IQCH: variants seen among roughly 807,000 people sequenced by gnomAD.
IQCH encodes the protein IQ domain-containing protein H.
A neutral mutation model predicts 117.0 loss-of-function variants in IQCH; 98 were observed. That is an observed-to-expected ratio of 0.84 (90% CI 0.71 to 0.99). The LOEUF (loss-of-function observed/expected upper bound fraction) is 0.99, where lower values mean the gene tolerates loss of function less well. IQCH is among the 50% of genes least tolerant of loss of function. IQCH has a pLI of 0.00. For missense variants in IQCH, 1,102 were observed against 1,243.8 expected, an observed-to-expected ratio of 0.89 and a Z score of 1.72; for synonymous variants, 412 against 448.2, an observed-to-expected ratio of 0.92 and a Z score of 1.02.
intron 4 of IQCH, among the ~76,000 whole-genome samples, chr15:67,303,690 C>T (rs1321414374): frequency 6.6e-6 from 1 of 152,116 alleles, no homozygotes; most frequent in Non-Finnish European, 1.5e-5. Context: ...CTATCTAGTG[C>T]CCCTTGCCAC....
chr15:67,354,750 T>C (rs1433903230), intron 6 of IQCH, among the ~76,000 whole-genome samples: 1 of 152,070 alleles, frequency 6.6e-6, no homozygotes, highest in Non-Finnish European at 1.5e-5. Flanking sequence ...ACACAAGAAA[T>C]TGGGAAGTGA....
At position 67,403,844 on chromosome 15, in the gene IQCH, C is replaced by T. The variant is rs1971770534; in HGVS notation, c.2097+3539C>T. The stretch of plus-strand genomic sequence containing the variant: ...AATTCCTGGGACATTGGCTTAGTGG[C>T]AGTGATGCTACTGGTGACACTGCTT... On this transcript the variant is annotated intron_variant, in intron 14 of 20. Coordinates refer to ENST00000335894, the MANE Select transcript of IQCH (RefSeq NM_001031715.3). This position sits in a 1 kb window ranked among gnomAD's most constrained non-coding sequence, Gnocchi z 4.8. The T allele has an allele frequency of 1.3e-5, 2 of 152,114 alleles. No homozygotes were observed. The highest frequency in any genetic ancestry group is 1.3e-4 in the Admixed American group (2 of 15,258). 9.4% of individuals were successfully genotyped at this position (152,114 alleles called of 1,614,324 possible). A position where few individuals can be genotyped will look rare whatever the true frequency, so the allele number is the denominator to read the frequency against.
chr15:67,280,279 G>T (rs759760848), intron 4 of IQCH, among the ~76,000 whole-genome samples: 3 of 152,204 alleles, frequency 2.0e-5, no homozygotes, highest in Non-Finnish European at 4.4e-5. Context: ...AGGTGGCAAA[G>T]AATAGAGCTC....
At chr15:67,449,062 G>T (rs1349009469) in intron 16 of IQCH, among the ~76,000 whole-genome samples, 3 of 50,578 alleles carry the variant, frequency 5.9e-5, no homozygotes, top group African/African-American at 2.3e-4. Context: ...CCCACTTTTT[G>T]ATGGGGTTGT....
At chr15:67,489,257 T>A (rs2083576977) in intron 18 of IQCH, among the ~76,000 whole-genome samples, 2 of 152,006 alleles carry the variant, frequency 1.3e-5, no homozygotes, top group Middle Eastern at 3.4e-3. Context: ...ATGGTCTCGA[T>A]CTCCTGACCT....
chr15:67,300,273 G>T (rs1966958726), intron 4 of IQCH, among the ~76,000 whole-genome samples: 1 of 151,816 alleles, frequency 6.6e-6, no homozygotes, highest in Non-Finnish European at 1.5e-5. Flanking sequence ...CATTATTTTG[G>T]GGCCAGTGGG....
intron 18 of IQCH, among the ~76,000 whole-genome samples, chr15:67,488,928 C>A (rs1053343022): frequency 2.0e-5 from 3 of 152,102 alleles, no homozygotes; most frequent in African/African-American, 4.8e-5. Context: ...AGATCTGGTA[C>A]CAGTCCACAG....
intron 18 of IQCH, among the ~76,000 whole-genome samples, chr15:67,487,581 T>C (rs2083525657): frequency 6.6e-6 from 1 of 152,194 alleles, no homozygotes; most frequent in Non-Finnish European, 1.5e-5. Flanking sequence ...ACTGATTTTT[T>C]CCTTTGCCTT....
At chr15:67,333,893 C>CA (rs1425232620) in intron 4 of IQCH, among the ~76,000 whole-genome samples, 1 of 151,864 alleles carries the variant, frequency 6.6e-6, no homozygotes, top group Non-Finnish European at 1.5e-5. Context: ...CCTGTCTCTA[C>CA]AAAAAATACA....
chr15:67,272,003 C>T (rs1051681965), intron 3 of IQCH, among the ~76,000 whole-genome samples: 22 of 151,896 alleles, frequency 1.4e-4, no homozygotes, highest in African/African-American at 4.8e-4. Flanking sequence ...GGAGGTGCAT[C>T]ATTAGGTTGT....
rs368193165 is a variant in IQCH at position 67,474,203 on chromosome 15, G to A, written c.2677-1493G>A. Reference sequence around the variant, plus strand: ...TTGCGTTATCTCAGAGACAGGAGGCGAGCCAGAGGCCTGATTATAATGCAT... The same window carrying A: ...TTGCGTTATCTCAGAGACAGGAGGCAAGCCAGAGGCCTGATTATAATGCAT... On this transcript the variant is annotated intron_variant, in intron 17 of 20. Transcript: ENST00000335894. This position sits in a 1 kb window ranked among gnomAD's most constrained non-coding sequence, Gnocchi z 4.1. 6.6e-6 allele frequency among the ~76,000 whole-genome samples: 1 copy of A among 152,002 alleles called. No homozygotes were observed. Among genetic ancestry groups the A allele is most frequent in the African/African-American group, 2.4e-5 (1 of 41,386 alleles).
chr15:67,497,157 C>A (rs953099096), intron 20 of IQCH, among the ~76,000 whole-genome samples: 1 of 151,204 alleles, frequency 6.6e-6, no homozygotes, highest in East Asian at 1.9e-4. Flanking sequence ...GCAACATAGG[C>A]AGACCCTATC....
intron 4 of IQCH, among the ~76,000 whole-genome samples, chr15:67,287,875 AG>A (rs1966620291): frequency 6.6e-6 from 1 of 151,982 alleles, no homozygotes; most frequent in Non-Finnish European, 1.5e-5. Flanking sequence ...AGTTGCTTAT[AG>A]CTAGCTATAA....
In IQCH at chr15:67,463,799, A is replaced by G. The variant is rs74020187; in HGVS notation, c.2506-1328A>G. Among the ~76,000 whole-genome samples the G allele has an allele frequency of 2.9e-3, 448 of 152,178 alleles. 4 individuals carry two copies. The highest frequency in any genetic ancestry group is 0.01 in the African/African-American group (429 of 41,536). ...ATTATTTTATCACATATAAAATTCT[A>G]TTGTTTAATTGGATATGTATGTATC... On this transcript the variant is annotated intron_variant, in intron 16 of 20. Coordinates refer to ENST00000335894, the MANE Select transcript of IQCH (RefSeq NM_001031715.3). The surrounding 1 kb of genome is among the most constrained non-coding windows in gnomAD (Gnocchi z 4.0).
chr15:67,368,420 A>G (rs568217649), intron 8 of IQCH, among the ~76,000 whole-genome samples: 1 of 152,210 alleles, frequency 6.6e-6, no homozygotes, highest in Non-Finnish European at 1.5e-5. Flanking sequence ...CCCTTAACAC[A>G]ATTTAAAAGC....
chr15:67,449,203 T>A (rs2082461639), intron 16 of IQCH, among the ~76,000 whole-genome samples: 1 of 152,198 alleles, frequency 6.6e-6, no homozygotes, highest in African/African-American at 2.4e-5. Flanking sequence ...TAGTTTCTTT[T>A]GCTGTGCAGA....
intron 1 of IQCH, among the ~76,000 whole-genome samples, chr15:67,256,385 G>A (rs1255493345): frequency 6.6e-6 from 1 of 152,176 alleles, no homozygotes; most frequent in Non-Finnish European, 1.5e-5. Flanking sequence ...CACTGCCCTT[G>A]TGGTTGACCA....
Position 67,395,237 on chromosome 15 carries a change from T to G in IQCH, c.1633-54T>G. ...TATGTGCAACATTATAAATTAGGTGTATGGACTAGAAAAAAGGACACCTTT... is the reference window on the plus strand; with the variant it reads ...TATGTGCAACATTATAAATTAGGTGGATGGACTAGAAAAAAGGACACCTTT... On this transcript the variant is annotated intron_variant, in intron 12 of 20. Coordinates refer to ENST00000335894, the MANE Select transcript of IQCH (RefSeq NM_001031715.3). The surrounding 1 kb of genome is among the most constrained non-coding windows in gnomAD (Gnocchi z 4.0). 3.2e-6 allele frequency: 5 copies of G among 1,545,672 alleles called. No homozygotes were observed. The highest frequency in any genetic ancestry group is 1.2e-5 in the South Asian group (1 of 85,238).
intron 4 of IQCH, among the ~76,000 whole-genome samples, chr15:67,299,028 C>T (rs1381095421): frequency 1.4e-5 from 2 of 145,192 alleles, no homozygotes; most frequent in Non-Finnish European, 3.0e-5. Flanking sequence ...TGTCCATCAA[C>T]AGATGAATAA....
Sources: gnomAD v4.1 joint callset for allele counts (sites outside exome capture counted in the v4.1 genomes callset) on GRCh38, gnomAD v4.1.1 for gene constraint, Gnocchi (gnomAD v3.1) non-coding constraint, MANE v1.5 for transcripts, NCBI Gene and HGNC (gene_info 2026-07-23, HGNC 2026-07-21) for gene names.